Variants in RBIS observed in about 807,000 individuals in gnomAD.
RBIS encodes ribosome biogenesis factor identified in screen.
A neutral mutation model predicts 9.8 loss-of-function variants in RBIS; 9 were observed. That is an observed-to-expected ratio of 0.92 (90% CI 0.56 to 1.61). The LOEUF is 1.61. RBIS is among the 40% of genes most tolerant of loss of function. RBIS has a pLI of 0.00. For missense variants in RBIS, 103 were observed against 116.0 expected (o/e 0.89, Z 0.51); for synonymous variants, 35 against 37.9 (o/e 0.92, Z 0.28).
chr8:85,219,641 C>T (rs1813285943), intron 1 of RBIS, among the ~76,000 whole-genome samples: 1 of 152,038 alleles, frequency 6.6e-6, no homozygotes, highest in Non-Finnish European at 1.5e-5. Context: ...ATCCCAGCTA[C>T]TCGGGAGGCT....
chr8:85,216,428 G>A (rs1813157936), intron 2 of RBIS: 2 of 152,020 alleles, frequency 1.3e-5, no homozygotes, highest in Admixed American at 1.3e-4. Flanking sequence ...ATCCTACCTG[G>A]TGGCATATAT....
At position 85,215,026 on chromosome 8, in the gene RBIS, C is replaced by G. The variant is rs1563987020; in HGVS notation, c.126G>C (p.Met42Ile). ...VTTNLKKINIMNEEKVNRVNK... is the reference protein window; with the variant it reads ...VTTNLKKINIINEEKVNRVNK... Reference sequence around the variant, plus strand: ...TTACTCTGTTAACTTTTTCCTCATTCATAATGTTTATCTTTTAAAAAGAAA... The same window carrying G: ...TTACTCTGTTAACTTTTTCCTCATTGATAATGTTTATCTTTTAAAAAGAAA... The change falls in exon 3 of 4, where the codon ATG becomes ATC. Residue 42 changes from methionine (M) to isoleucine (I), a missense_variant. Coordinates refer to ENST00000619594, the MANE Select transcript of RBIS (RefSeq NM_001099673.3). 1 of 1,373,298 alleles carries G rather than the reference C, an allele frequency of 7.3e-7. No homozygotes were observed. The highest frequency in any genetic ancestry group is 1.0e-6 in the Non-Finnish European group (1 of 985,056). The allele number at this position is 1,373,298 out of a possible 1,614,324, so 85.1% of individuals were successfully genotyped here.
At chr8:85,218,328 C>T (rs1214352446) in intron 1 of RBIS, among the ~76,000 whole-genome samples, 1 of 152,066 alleles carries the variant, frequency 6.6e-6, no homozygotes, top group Non-Finnish European at 1.5e-5. Flanking sequence ...CAATGTCACA[C>T]TGTCAATAAC....
chr8:85,215,297 T>C (rs758434348), intron 2 of RBIS: 5 of 192,376 alleles, frequency 2.6e-5, no homozygotes, highest in African/African-American at 1.2e-4. Flanking sequence ...TGATTCATAA[T>C]AAGATATATA....
At chr8:85,217,234 T>A (rs181835023) in intron 2 of RBIS, 152 bp downstream of exon 2, 69 of 669,576 alleles carry the variant, frequency 1.0e-4, no homozygotes, top group Middle Eastern at 2.8e-4. Flanking sequence ...CCTTTTTTTT[T>A]ATATTTTTTT....
At chr8:85,215,445 A>C (rs1390722560) in intron 2 of RBIS, 1 of 152,930 alleles carries the variant, frequency 6.5e-6, no homozygotes, top group Non-Finnish European at 1.5e-5. Context: ...GAGGAGGGCT[A>C]GTCAGATAAA....
Position 85,214,099 on chromosome 8 carries a change from A to T in RBIS, c.*461T>A, listed in dbSNP as rs1813028072. On this transcript the variant is annotated 3_prime_UTR_variant, in exon 4 of 4. Transcript: ENST00000619594. ...ACAAACGTCCCCACTCCCAAAAGTA[A>T]CTATATTCTGGATTTCAACTTTTCT... The T allele has an allele frequency of 1.7e-6, 1 of 582,042 alleles. No individual in the cohort carries two copies. The allele number at this position is 582,042 out of a possible 1,614,324, so 36.1% of individuals were successfully genotyped here.
Position 85,214,566 on chromosome 8 carries a change from C to G in RBIS, c.297G>C (p.Leu99=). ...TAGATGCATCACCAGTATATTACAA[C>G]AGAGCCATTAATCTTGTAGCTTCAT... ...NVDEATRLMA[L]L is the part of the protein sequence containing the mutation. Residue 99 remains leucine (L), a synonymous_variant, in exon 4 of 4, where the codon CTG becomes CTC. Transcript: ENST00000619594. 1 of 1,561,372 alleles carries G rather than the reference C, an allele frequency of 6.4e-7. No homozygotes were observed. Among genetic ancestry groups the G allele is most frequent in the East Asian group, 2.2e-5 (1 of 44,552 alleles).
chr8:85,214,258 TG>T lies in RBIS; in HGVS notation c.*301del, dbSNP rs1367803051. On this transcript the variant is annotated 3_prime_UTR_variant, in exon 4 of 4. Transcript: ENST00000619594. ...ACTGCCACTAAACTGCCTGTATTTC[TG>T]TATGTCCTTCTATCCAAACAGACGT... 1.8e-6 allele frequency: 1 copy of T among 559,540 alleles called. No individual in the cohort carries two copies. The highest frequency in any genetic ancestry group is 3.3e-6 in the Non-Finnish European group (1 of 299,114). 34.7% of individuals were successfully genotyped at this position (559,540 alleles called of 1,614,324 possible). A position where few individuals can be genotyped will look rare whatever the true frequency, so the allele number is the denominator to read the frequency against.
chr8:85,217,226 T>A (rs974716405), intron 2 of RBIS, 160 bp downstream of exon 2: 8 of 644,064 alleles, frequency 1.2e-5, no homozygotes, highest in Non-Finnish European at 2.2e-5. Flanking sequence ...TTTTTCTTCC[T>A]TTTTTTTTAT....
At position 85,217,379 on chromosome 8, in the gene RBIS, TACTC is replaced by T. The variant is rs1813194497; in HGVS notation, c.114+3_114+6del. ...CAATAAAGTCAGAGTGCTTAACTAA[TACTC>T]ACCTTCTTAAGATTAGTGGTAACTG... On this transcript the variant is annotated splice_donor_5th_base_variant and intron_variant, in intron 2 of 3. Coordinates refer to ENST00000619594, the MANE Select transcript of RBIS (RefSeq NM_001099673.3). 1 of 1,498,378 alleles carries T rather than the reference TACTC, an allele frequency of 6.7e-7. No individual in the cohort carries two copies. Among genetic ancestry groups the T allele is most frequent in the Non-Finnish European group, 9.3e-7 (1 of 1,075,016 alleles). 92.8% of individuals were successfully genotyped at this position (1,498,378 alleles called of 1,614,324 possible). A position where few individuals can be genotyped will look rare whatever the true frequency, so the allele number is the denominator to read the frequency against.
chr8:85,218,249 A>C (rs1813224711), intron 1 of RBIS, among the ~76,000 whole-genome samples: 1 of 152,174 alleles, frequency 6.6e-6, no homozygotes, highest in Admixed American at 6.5e-5. Flanking sequence ...AACCCTTTGT[A>C]AGAAGTACTA....
intron 1 of RBIS, chr8:85,219,247 C>G (rs886385866): frequency 1.3e-5 from 2 of 152,174 alleles, no homozygotes; most frequent in African/African-American, 2.4e-5. Context: ...TTTGCTCAGT[C>G]GTAGTCTTGA....
rs1813055319 is a variant in RBIS, at chr8:85,214,594, A to G, written c.269T>C (p.Val90Ala). The change falls in exon 4 of 4, where the codon GTT becomes GCT. Residue 90 changes from valine (V) to alanine (A), a missense_variant. Physicochemically the swap from Val to Ala is moderately conservative, Grantham distance 64. Coordinates refer to ENST00000619594, the MANE Select transcript of RBIS (RefSeq NM_001099673.3). Reference protein sequence around the residue: ...QQRHESKPVNVDEATRLMALL With the variant: ...QQRHESKPVNADEATRLMALL ...AGCCATTAATCTTGTAGCTTCATCA[A>G]CATTAACTGGTTTGCTTTCATGACG... 8 of 1,574,494 alleles carry G rather than the reference A, an allele frequency of 5.1e-6. No individual in the cohort carries two copies. In the Admixed American group the frequency reaches 8.4e-5, roughly 17 times the overall value.
intron 1 of RBIS, among the ~76,000 whole-genome samples, chr8:85,220,104 G>A (rs80341782): frequency 6.6e-6 from 1 of 152,070 alleles, no homozygotes; most frequent in Admixed American, 6.5e-5. Flanking sequence ...GAAAGACACA[G>A]CCCAAAACTG....
At chr8:85,215,405 T>C (rs1348084859) in intron 2 of RBIS, 1 of 153,512 alleles carries the variant, frequency 6.5e-6, no homozygotes, top group Non-Finnish European at 1.4e-5. Flanking sequence ...ATAAGATGGC[T>C]GGTAGCTGGG....
At chr8:85,217,269 A>G (rs1380838226) in intron 2 of RBIS, 117 bp downstream of exon 2, 1 of 734,522 alleles carries the variant, frequency 1.4e-6, no homozygotes, top group Non-Finnish European at 2.5e-6. Flanking sequence ...AACCATCCTT[A>G]CCTTTCTAGG....
At position 85,214,491 on chromosome 8, in the gene RBIS, T is replaced by A. The variant is rs1278955003; in HGVS notation, c.*69A>T. On this transcript the variant is annotated 3_prime_UTR_variant, in exon 4 of 4. Coordinates refer to ENST00000619594, the MANE Select transcript of RBIS (RefSeq NM_001099673.3). Reference sequence around the variant, plus strand: ...AATGCCTGTACATTAACAAGATTTTTAAAAATAAAATTGTATAAAACATTC... The same window carrying A: ...AATGCCTGTACATTAACAAGATTTTAAAAAATAAAATTGTATAAAACATTC... 3.6e-6 allele frequency: 4 copies of A among 1,118,146 alleles called. No homozygotes were observed. Among genetic ancestry groups the A allele is most frequent in the Non-Finnish European group, 5.4e-6 (4 of 746,082 alleles). The allele number at this position is 1,118,146 out of a possible 1,614,324, so 69.3% of individuals were successfully genotyped here.
intron 2 of RBIS, chr8:85,216,339 C>A (rs1813154159): frequency 1.3e-5 from 2 of 152,330 alleles, no homozygotes; most frequent in Non-Finnish European, 2.9e-5. Flanking sequence ...TTCACTGTTG[C>A]TGCTGCCAAA....
Sources: gnomAD v4.1 joint callset for allele counts (sites outside exome capture counted in the v4.1 genomes callset) on GRCh38, gnomAD v4.1.1 for gene constraint, MANE v1.5 for transcripts, NCBI Gene and HGNC (gene_info 2026-07-23, HGNC 2026-07-21) for gene names.